Variants in CHODL observed in about 807,000 individuals in gnomAD.
The protein encoded by CHODL is chondrolectin, also known as transmembrane protein MT75.
CHODL carries 29 observed loss-of-function variants against 34.5 expected under a neutral mutation model. That is an observed-to-expected ratio of 0.84 (90% confidence interval 0.63 to 1.15). The LOEUF is 1.15. Among genes scored for constraint, CHODL ranks in the 50% most tolerant of loss-of-function variants. The pLI, the probability that CHODL is intolerant of heterozygous loss-of-function variation, is 0.00. For missense variants in CHODL, 332 were observed against 332.5 expected, an observed-to-expected ratio of 1.00 and a Z score of 0.01; for synonymous variants, 125 against 116.1, an observed-to-expected ratio of 1.08 and a Z score of -0.49.
rs190689936 is a variant in CHODL at position 18,174,702 on chromosome 21, C to G, written c.-44-81807C>G. On this transcript the variant is annotated intron_variant, in intron 2 of 6. Transcript: ENST00000400127. ...CTTGAATCAATTAGGGAAACATACA[C>G]TCACTTTCTAACCTGGCAGAGCTTG... Among the ~76,000 whole-genome samples the G allele has an allele frequency of 1.7e-4, 26 of 152,242 alleles. 1 individual carries two copies. The highest frequency in any genetic ancestry group is 1.5e-3 in the Admixed American group (23 of 15,290).
chr21:18,255,446 A>G (rs943954937), intron 1 of CHODL, among the ~76,000 whole-genome samples: 5 of 152,090 alleles, frequency 3.3e-5, no homozygotes, highest in Admixed American at 2.0e-4. Context: ...TTTAATATAT[A>G]AGTAGAGCCT....
intron 2 of CHODL, among the ~76,000 whole-genome samples, chr21:18,185,679 C>T (rs1470259940): frequency 6.6e-6 from 1 of 152,062 alleles, no homozygotes. Flanking sequence ...TGTTTGGGAT[C>T]CTGTAATAAA....
intron 1 of CHODL, among the ~76,000 whole-genome samples, chr21:18,016,214 C>T (rs180723599): frequency 1.3e-5 from 2 of 152,336 alleles, no homozygotes; most frequent in Non-Finnish European, 2.9e-5. Flanking sequence ...TGGGCCAGAT[C>T]CAGGGCCTTG....
At chr21:18,133,742 A>T (rs944977640) in intron 2 of CHODL, among the ~76,000 whole-genome samples, 1 of 152,174 alleles carries the variant, frequency 6.6e-6, no homozygotes, top group African/African-American at 2.4e-5. Flanking sequence ...TATGTATAAC[A>T]TATATGTGTA....
At chr21:18,264,580 C>A (rs9974167) in intron 5 of CHODL, among the ~76,000 whole-genome samples, 21,372 of 127,780 alleles carry the variant, frequency 0.17, 1,809 homozygotes, top group Middle Eastern at 0.28. Context: ...CCAGCCTGGG[C>A]GACAGAGTGA....
chr21:18,207,823 A>T (rs1441583568), intron 2 of CHODL, among the ~76,000 whole-genome samples: 1 of 151,810 alleles, frequency 6.6e-6, no homozygotes, highest in African/African-American at 2.4e-5. Flanking sequence ...CTACTGCCAG[A>T]TGTATTGCAG....
At chr21:18,153,339 G>C (rs1445761670) in intron 2 of CHODL, among the ~76,000 whole-genome samples, 1 of 152,116 alleles carries the variant, frequency 6.6e-6, no homozygotes, top group African/African-American at 2.4e-5. Flanking sequence ...CTCCTTGTTG[G>C]CTATAGGCTG....
chr21:18,181,502 C>T (rs1187165278), intron 2 of CHODL, among the ~76,000 whole-genome samples: 1 of 152,086 alleles, frequency 6.6e-6, no homozygotes, highest in South Asian at 2.1e-4. Context: ...TCCTGGGTTC[C>T]CGCCATTCTC....
intron 2 of CHODL, among the ~76,000 whole-genome samples, chr21:18,199,688 A>G (rs571744811): frequency 6.6e-6 from 1 of 152,148 alleles, no homozygotes; most frequent in Middle Eastern, 3.2e-3. Flanking sequence ...TCTATTACAT[A>G]ATGTCATATA....
chr21:18,128,674 G>C (rs1407561780), intron 2 of CHODL, among the ~76,000 whole-genome samples: 8 of 152,078 alleles, frequency 5.3e-5, no homozygotes, highest in African/African-American at 1.9e-4. Flanking sequence ...ATACATTCTG[G>C]AGCAAGGAGC....
intron 2 of CHODL, among the ~76,000 whole-genome samples, chr21:18,221,838 C>T (rs1266170525): frequency 6.6e-6 from 1 of 152,168 alleles, no homozygotes; most frequent in Admixed American, 6.5e-5. Flanking sequence ...TGCACAGACA[C>T]CATTAGGGGC....
chr21:18,074,864 C>T (rs1481953779), intron 2 of CHODL, among the ~76,000 whole-genome samples: 2 of 151,882 alleles, frequency 1.3e-5, no homozygotes, highest in African/African-American at 2.4e-5. Flanking sequence ...TTGAGGAGCC[C>T]GTAGAAAGAA....
At chr21:17,921,961 G>A (rs2063186388) in intron 1 of CHODL, among the ~76,000 whole-genome samples, 1 of 151,388 alleles carries the variant, frequency 6.6e-6, no homozygotes, top group Admixed American at 6.6e-5. Flanking sequence ...AGAATAAATT[G>A]ACAGATTGTC....
chr21:17,952,457 G>A (rs945807453), intron 1 of CHODL, among the ~76,000 whole-genome samples: 5 of 151,738 alleles, frequency 3.3e-5, no homozygotes, highest in Admixed American at 2.6e-4. Flanking sequence ...AGTGCTGAAC[G>A]AAAAATTACT....
intron 2 of CHODL, among the ~76,000 whole-genome samples, chr21:18,075,768 C>A (rs1168799877): frequency 6.6e-6 from 1 of 151,922 alleles, no homozygotes; most frequent in Non-Finnish European, 1.5e-5. Context: ...GTTATTGTAC[C>A]CCCAAAATGC....
At chr21:17,930,491 C>T (rs935974241) in intron 1 of CHODL, among the ~76,000 whole-genome samples, 3 of 152,312 alleles carry the variant, frequency 2.0e-5, no homozygotes, top group South Asian at 2.1e-4. Context: ...TGGAATATTC[C>T]GCAGCTGCCT....
At chr21:18,143,196 A>G (rs2072823431) in intron 2 of CHODL, among the ~76,000 whole-genome samples, 1 of 152,204 alleles carries the variant, frequency 6.6e-6, no homozygotes, top group African/African-American at 2.4e-5. Flanking sequence ...TGCTAGGAGC[A>G]TATTTTCCAG....
chr21:18,092,225 T>A (rs773727114), intron 2 of CHODL, among the ~76,000 whole-genome samples: 15 of 152,218 alleles, frequency 9.9e-5, no homozygotes, highest in Non-Finnish European at 1.8e-4. Context: ...CTCTGCCTGG[T>A]AATCCAGAGA....
intron 2 of CHODL, among the ~76,000 whole-genome samples, chr21:18,071,730 A>G (rs574858710): frequency 6.7e-6 from 1 of 148,970 alleles, no homozygotes. Context: ...TATTTCTATT[A>G]CATTTCTATT....
Sources: allele counts gnomAD v4.1 joint callset (sites outside exome capture counted in the v4.1 genomes callset), GRCh38; gene constraint gnomAD v4.1.1; transcripts MANE v1.5; gene names NCBI Gene and HGNC (gene_info 2026-07-23, HGNC 2026-07-21).